PLAC1: variants seen among roughly 807,000 people sequenced by gnomAD.
The protein encoded by PLAC1 is placenta associated 1, also known as placenta-specific protein 1.
For synonymous variants in PLAC1, 68 were observed against 62.1 expected (o/e 1.09, Z -0.44); for missense variants, 136 against 163.2 (o/e 0.83, Z 0.91).
chrX:134,638,908 T>C (rs2078295812), intron 1 of PLAC1, among the ~76,000 whole-genome samples: 1 of 111,402 alleles, frequency 9.0e-6, no homozygotes, highest in Admixed American at 9.6e-5. Context: ...GTACCCAATA[T>C]GTACTTTTTT....
intron 1 of PLAC1, among the ~76,000 whole-genome samples, chrX:134,752,283 C>T (rs1439986874): frequency 9.0e-6 from 1 of 111,163 alleles, no homozygotes. Flanking sequence ...TTAGTAACCT[C>T]CACATTGCCT....
At chrX:134,645,697 T>C (rs1160816315) in intron 1 of PLAC1, among the ~76,000 whole-genome samples, 2 of 112,075 alleles carry the variant, frequency 1.8e-5, no homozygotes, top group African/African-American at 6.5e-5. Flanking sequence ...TTGGTAAGGT[T>C]GATCAAATAT....
chrX:134,630,593 G>C (rs1273901709), intron 1 of PLAC1, among the ~76,000 whole-genome samples: 1 of 111,550 alleles, frequency 9.0e-6, no homozygotes, highest in Non-Finnish European at 1.9e-5. Flanking sequence ...ATTTAAGGGC[G>C]GGCAAGATGG....
chrX:134,628,366 C>T (rs1241361745), intron 1 of PLAC1, among the ~76,000 whole-genome samples: 2 of 111,848 alleles, frequency 1.8e-5, no homozygotes, highest in African/African-American at 6.5e-5. Context: ...GTCTAACTCC[C>T]CTGGATCCAC....
intron 2 of PLAC1, among the ~76,000 whole-genome samples, chrX:134,685,472 T>TC (rs1282141299): frequency 6.1e-5 from 6 of 98,445 alleles, no homozygotes; most frequent in African/African-American, 2.2e-4. Flanking sequence ...TTTTTTTTTT[T>TC]TTGGTTAGTA....
intron 1 of PLAC1, among the ~76,000 whole-genome samples, chrX:134,614,188 C>T (rs903111902): frequency 9.0e-6 from 1 of 110,940 alleles, no homozygotes; most frequent in African/African-American, 3.3e-5. Context: ...ACCAGACCAC[C>T]CAGTGTCTAG....
intron 1 of PLAC1, among the ~76,000 whole-genome samples, chrX:134,621,370 C>T (rs915562361): frequency 2.0e-5 from 2 of 100,662 alleles, no homozygotes; most frequent in African/African-American, 7.6e-5. Flanking sequence ...CGCTTGAACC[C>T]GGGAGGTGGA....
At chrX:134,613,763 G>A (rs916450317) in intron 1 of PLAC1, among the ~76,000 whole-genome samples, 6 of 110,107 alleles carry the variant, frequency 5.4e-5, no homozygotes, top group Non-Finnish European at 5.7e-5. Context: ...CTATGGCTTC[G>A]TCCTAGCCCA....
chrX:134,759,097 G>T (rs2078763819), intron 1 of PLAC1, among the ~76,000 whole-genome samples: 1 of 111,120 alleles, frequency 9.0e-6, no homozygotes, highest in African/African-American at 3.3e-5. Context: ...AGTCAGAATG[G>T]CTACTACTGA....
intron 1 of PLAC1, among the ~76,000 whole-genome samples, chrX:134,656,586 T>TTTTTC (rs2078392605): frequency 9.0e-6 from 1 of 111,406 alleles, no homozygotes; most frequent in African/African-American, 3.3e-5. Context: ...TTTTCCTCTT[T>TTTTTC]TTTTCTTTTC....
intron 2 of PLAC1, among the ~76,000 whole-genome samples, chrX:134,692,670 A>G (rs1445689335): frequency 8.9e-6 from 1 of 112,190 alleles, no homozygotes; most frequent in Non-Finnish European, 1.9e-5. Flanking sequence ...TGGTGCTCCA[A>G]TTAGGCATGC....
intron 2 of PLAC1, among the ~76,000 whole-genome samples, chrX:134,684,481 C>T (rs2078509485): frequency 9.2e-6 from 1 of 108,731 alleles, no homozygotes; most frequent in South Asian, 4.1e-4. Flanking sequence ...TTCTGCTGCC[C>T]ACAAACTGAA....
At chrX:134,744,435 C>T (rs942288358) in intron 1 of PLAC1, among the ~76,000 whole-genome samples, 5 of 111,850 alleles carry the variant, frequency 4.5e-5, no homozygotes, top group African/African-American at 1.6e-4. Context: ...CACTTATTAC[C>T]CACATAGCCT....
chrX:134,663,432 ATG>A (rs10668252), upstream of PLAC1, among the ~76,000 whole-genome samples: 117 of 108,460 alleles, frequency 1.1e-3, no homozygotes, highest in African/African-American at 3.8e-3. Context: ...AAATAAAGAT[ATG>A]TGTGTGTGTG....
intron 2 of PLAC1, among the ~76,000 whole-genome samples, chrX:134,704,083 C>A (rs2078592756): frequency 9.5e-6 from 1 of 104,950 alleles, no homozygotes; most frequent in Non-Finnish European, 2.0e-5. Flanking sequence ...TAAAGGTGAC[C>A]ACTAAATTAA....
At chrX:134,650,410 C>T (rs908545632) in intron 1 of PLAC1, among the ~76,000 whole-genome samples, 1 of 111,284 alleles carries the variant, frequency 9.0e-6, no homozygotes, top group Non-Finnish European at 1.9e-5. Context: ...GCACCACAAT[C>T]TGGAGCCTTT....
chrX:134,575,639 C>T (rs1005668111), intron 2 of PLAC1, among the ~76,000 whole-genome samples: 14 of 108,740 alleles, frequency 1.3e-4, no homozygotes, highest in Non-Finnish European at 2.1e-4. Context: ...CGTGGTGGCA[C>T]GTGCCTGTAG....
At chrX:134,742,310 G>A (rs769104114) in intron 1 of PLAC1, among the ~76,000 whole-genome samples, 156 of 112,880 alleles carry the variant, frequency 1.4e-3, no homozygotes, top group Middle Eastern at 4.7e-3. Flanking sequence ...ACAGTGGGCC[G>A]GGCGCAGTGG....
chrX:134,666,309 C>A (rs2078436565), intron 2 of PLAC1, among the ~76,000 whole-genome samples: 1 of 111,390 alleles, frequency 9.0e-6, no homozygotes, highest in African/African-American at 3.3e-5. Context: ...GTGCTCACTT[C>A]CCAGCAAAAG....
Sources: gnomAD v4.1 joint callset for allele counts (sites outside exome capture counted in the v4.1 genomes callset) on GRCh38, gnomAD v4.1.1 for gene constraint, MANE v1.5 for transcripts, NCBI Gene and HGNC (gene_info 2026-07-23, HGNC 2026-07-21) for gene names.